RASL12: variants seen among roughly 807,000 people sequenced by gnomAD.
The protein encoded by RASL12 is RAS like family 12.
RASL12 carries 16 observed loss-of-function variants against 22.9 expected under a neutral mutation model. That is an observed-to-expected ratio of 0.70 (90% CI 0.47 to 1.06). The LOEUF is 1.06. RASL12 is among the 50% of genes least tolerant of loss of function. RASL12 has a pLI of 0.00. For missense variants in RASL12, 306 were observed against 353.1 expected (o/e 0.87, Z 1.07); for synonymous variants, 159 against 152.2 (o/e 1.04, Z -0.33).
rs993816289 is a variant in RASL12 at position 65,054,450 on chromosome 15, C to T, written c.*449G>A. 2.0e-5 allele frequency: 20 copies of T among 992,530 alleles called. No individual in the cohort carries two copies. The highest frequency in any genetic ancestry group is 1.6e-4 in the African/African-American group (9 of 57,494). 61.5% of individuals were successfully genotyped at this position (992,530 alleles called of 1,614,324 possible). On this transcript the variant is annotated 3_prime_UTR_variant, in exon 5 of 5. Coordinates refer to ENST00000220062, the MANE Select transcript of RASL12 (RefSeq NM_016563.4). ...GAAACTGCAGCCGCCCTGCCTTTCC[C>T]GTCCACCAGGTGGCACAAGGACCCC...
At chr15:65,053,236 C>A, downstream of RASL12, 1 of 1,556,352 alleles carries the variant, frequency 6.4e-7, no homozygotes, top group South Asian at 1.2e-5. Context: ...TGAAACCTCT[C>A]AGGTTTTAGA....
chr15:65,076,047 G>A (rs2086966050), intron 1 of RASL12, among the ~76,000 whole-genome samples: 2 of 152,104 alleles, frequency 1.3e-5, no homozygotes, highest in South Asian at 4.1e-4. Context: ...GAGAACTTTT[G>A]TATCTAGCTC....
chr15:65,050,119 G>A (rs147127925), downstream of RASL12: 6 of 1,546,424 alleles, frequency 3.9e-6, no homozygotes, highest in East Asian at 2.4e-5. Flanking sequence ...GTGAGAGATT[G>A]ACGGCAGGGG....
Position 65,054,630 on chromosome 15 carries a change from A to G in RASL12, c.*269T>C. On this transcript the variant is annotated 3_prime_UTR_variant, in exon 5 of 5. Transcript: ENST00000220062. ...TGCAATTTCTTCCTACTTAAGGCTG[A>G]CCCCAGGTCTCTGGGTTGTCACAGT... The G allele has an allele frequency of 7.5e-7, 1 of 1,327,832 alleles. No homozygotes were observed. The highest frequency in any genetic ancestry group is 2.2e-5 in the South Asian group (1 of 46,288). 82.3% of individuals were successfully genotyped at this position (1,327,832 alleles called of 1,614,324 possible). A position where few individuals can be genotyped will look rare whatever the true frequency, so the allele number is the denominator to read the frequency against.
At chr15:65,064,703 T>C (rs910321189) in intron 2 of RASL12, among the ~76,000 whole-genome samples, 1 of 152,000 alleles carries the variant, frequency 6.6e-6, no homozygotes, top group East Asian at 1.9e-4. Context: ...TTCAAGCAGT[T>C]CTCCTGCCTC....
downstream of RASL12, among the ~76,000 whole-genome samples, chr15:65,050,833 C>CTTTTTTTTTTTTTTTTTTTTTTTT (rs67418433): frequency 1.2e-3 from 110 of 88,588 alleles, no homozygotes; most frequent in Non-Finnish European, 1.4e-3. Context: ...TCTTCTTCTT[C>CTTTTTTTTTTTTTTTTTTTTTTTT]TTCTTTTTTT....
At chr15:65,048,088 C>T in the RASL12 span, among the ~76,000 whole-genome samples, 131,407 of 151,994 alleles carry the variant, frequency 0.86, 56,874 homozygotes, top group East Asian at 0.98. Context: ...GAGGCACAAA[C>T]GAGAACCGCT....
Position 65,067,760 on chromosome 15 carries a change from G to C in RASL12, c.76C>G (p.Leu26Val). 4.4e-6 allele frequency: 7 copies of C among 1,576,232 alleles called. No individual in the cohort carries two copies. The highest frequency in any genetic ancestry group is 6.0e-6 in the Non-Finnish European group (7 of 1,163,804). ...GACTTGCCAGCCCCGCGGCGCCCCA[G>C]GATGGCCAGGTTGACCTCGAGGGGC... ...SAPLEVNLAI[L>V]GRRGAGKSAL... is the part of the protein sequence containing the mutation. Residue 26 changes from leucine (L) to valine (V), a missense_variant, in exon 1 of 5, where the codon CTG becomes GTG. Coordinates refer to ENST00000220062, the MANE Select transcript of RASL12 (RefSeq NM_016563.4).
downstream of RASL12, among the ~76,000 whole-genome samples, chr15:65,052,091 G>A (rs141077313): frequency 7.9e-5 from 12 of 152,338 alleles, no homozygotes; most frequent in East Asian, 2.3e-3. Flanking sequence ...ACACATGGGA[G>A]TTATTAAGGA....
chr15:65,074,556 G>A (rs2086952027), intron 1 of RASL12, among the ~76,000 whole-genome samples: 1 of 152,008 alleles, frequency 6.6e-6, no homozygotes, highest in African/African-American at 2.4e-5. Context: ...CACCACGCCC[G>A]GCTAATTTTT....
upstream of RASL12, among the ~76,000 whole-genome samples, chr15:65,071,146 G>A (rs567427788): frequency 5.9e-5 from 9 of 152,320 alleles, no homozygotes; most frequent in East Asian, 1.7e-3. Flanking sequence ...ACTCCCACAG[G>A]TTAGCGCCCC....
At chr15:65,075,359 C>A (rs1216039147) in intron 1 of RASL12, among the ~76,000 whole-genome samples, 1 of 152,242 alleles carries the variant, frequency 6.6e-6, no homozygotes, top group Non-Finnish European at 1.5e-5. Context: ...GCACTACCCC[C>A]TGCTCCACGG....
At chr15:65,066,055 GAA>G (rs914918986) in intron 1 of RASL12, among the ~76,000 whole-genome samples, 3 of 150,216 alleles carry the variant, frequency 2.0e-5, no homozygotes, top group Admixed American at 1.3e-4. Flanking sequence ...GAAGAGAAGA[GAA>G]GAGAAGAGTA....
chr15:65,049,860 G>T (rs958828837), downstream of RASL12: 1 of 538,730 alleles, frequency 1.9e-6, no homozygotes, highest in Non-Finnish European at 3.2e-6. Flanking sequence ...TCAAACTCGG[G>T]TGGGATATCC....
chr15:65,049,805 A>C, downstream of RASL12: 57 of 410,986 alleles, frequency 1.4e-4, no homozygotes, highest in East Asian at 1.2e-4. Context: ...TTTTTGTCCC[A>C]TAACTTTGGG....
the RASL12 span, among the ~76,000 whole-genome samples, chr15:65,046,266 A>C: frequency 6.6e-6 from 1 of 152,204 alleles, no homozygotes; most frequent in East Asian, 1.9e-4. Context: ...GTGCCACTAC[A>C]CTCCAGCCTG....
intron 2 of RASL12, among the ~76,000 whole-genome samples, chr15:65,060,339 T>C (rs183820427): frequency 6.6e-6 from 1 of 152,218 alleles, no homozygotes; most frequent in Non-Finnish European, 1.5e-5. Flanking sequence ...TAGACTGACA[T>C]AGAAGTTGTA....
At chr15:65,058,759 G>A (rs1421595139) in intron 3 of RASL12, 142 bp from the exon 4 acceptor site, 1 of 610,956 alleles carries the variant, frequency 1.6e-6, no homozygotes, top group Non-Finnish European at 2.7e-6. Flanking sequence ...GGGCACTTGA[G>A]TGTGGATTTG....
downstream of RASL12, chr15:65,051,455 A>C: frequency 6.6e-7 from 1 of 1,519,666 alleles, no homozygotes; most frequent in Non-Finnish European, 9.1e-7. Context: ...CCCAGCTGTT[A>C]GCGGGCTTGA....
Sources: allele counts gnomAD v4.1 joint callset (sites outside exome capture counted in the v4.1 genomes callset), GRCh38; gene constraint gnomAD v4.1.1; transcripts MANE v1.5; gene names NCBI Gene and HGNC (gene_info 2026-07-23, HGNC 2026-07-21).